Variants in MAU2 observed in about 807,000 individuals in gnomAD.
MAU2 encodes the protein MAU2 sister chromatid cohesion factor.
Under a neutral mutation model 89.1 loss-of-function variants are expected in MAU2, and 9 were observed. That is an observed-to-expected ratio of 0.10 (90% CI 0.06 to 0.18). MAU2 has a LOEUF of 0.18. Among genes scored for constraint, MAU2 ranks in the 10% least tolerant of loss-of-function variants. MAU2 has a pLI of 1.00. For synonymous variants in MAU2, 357 were observed against 343.4 expected (o/e 1.04, Z -0.44); for missense variants, 425 against 803.5 (o/e 0.53, Z 5.69).
intron 1 of MAU2, chr19:19,334,326 GCTC>G (rs1477285301): frequency 1.4e-5 from 14 of 985,594 alleles, no homozygotes; most frequent in Non-Finnish European, 1.7e-5. Flanking sequence ...TGTGGTCTGG[GCTC>G]CTGCGTGTGG....
At chr19:19,322,212 G>A (rs1348360269) in intron 1 of MAU2, among the ~76,000 whole-genome samples, 17 of 152,156 alleles carry the variant, frequency 1.1e-4, no homozygotes, top group African/African-American at 3.6e-4. Flanking sequence ...GTTAGCCAGG[G>A]TGGTCTCCAT....
At chr19:19,326,342 C>G (rs1364262254) in intron 1 of MAU2, among the ~76,000 whole-genome samples, 2 of 151,900 alleles carry the variant, frequency 1.3e-5, no homozygotes, top group South Asian at 4.2e-4. Context: ...TGCTTAAGCC[C>G]AGGAGTTCAA....
chr19:19,321,271 C>G (rs1013956044), intron 1 of MAU2, 136 bp downstream of exon 1: 7 of 1,074,978 alleles, frequency 6.5e-6, no homozygotes, highest in African/African-American at 1.7e-5. Context: ...CCGCAGGACC[C>G]CCACCCGCCT....
Position 19,345,447 on chromosome 19 carries a change from A to T in MAU2, c.1221+78A>T. On this transcript the variant is annotated intron_variant, in intron 12 of 18. Transcript: ENST00000262815. The surrounding 1 kb of genome is among the most constrained non-coding windows in gnomAD (Gnocchi z 4.9). ...GAGTCGGGCGTGGTCTGTGATGAGG[A>T]CAGCAGTCGCGCTAGGTCAGCTATG... The T allele has an allele frequency of 1.4e-6, 2 of 1,411,870 alleles. No homozygotes were observed. Among genetic ancestry groups the T allele is most frequent in the Non-Finnish European group, 2.0e-6 (2 of 1,005,484 alleles). The allele number at this position is 1,411,870 out of a possible 1,614,324, so 87.5% of individuals were successfully genotyped here.
intron 4 of MAU2, among the ~76,000 whole-genome samples, chr19:19,338,218 T>C (rs541701775): frequency 4.5e-4 from 69 of 152,336 alleles, no homozygotes; most frequent in African/African-American, 1.6e-3. Flanking sequence ...GATGAGAAGC[T>C]GCATACACAT....
chr19:19,328,631 C>T (rs1157810941), intron 1 of MAU2, among the ~76,000 whole-genome samples: 2 of 152,038 alleles, frequency 1.3e-5, no homozygotes, highest in Non-Finnish European at 2.9e-5. Flanking sequence ...CCATGTTAGC[C>T]AGGATGGTTT....
intron 1 of MAU2, among the ~76,000 whole-genome samples, chr19:19,329,515 C>T (rs2061537913): frequency 6.6e-6 from 1 of 152,152 alleles, no homozygotes; most frequent in South Asian, 2.1e-4. Flanking sequence ...GGATCCTCAA[C>T]AAATTAACAG....
chr19:19,349,821 T>C (rs191855760), intron 16 of MAU2, among the ~76,000 whole-genome samples: 1 of 152,140 alleles, frequency 6.6e-6, no homozygotes, highest in African/African-American at 2.4e-5. Flanking sequence ...TCCAAACATA[T>C]CATCCTTGGC....
intron 1 of MAU2, among the ~76,000 whole-genome samples, chr19:19,326,559 G>A (rs1330153336): frequency 3.3e-5 from 5 of 151,190 alleles, no homozygotes; most frequent in Admixed American, 6.6e-5. Flanking sequence ...GGTGGCGGGC[G>A]CCTGTAGTCC....
chr19:19,336,786 C>T (rs188293866), intron 3 of MAU2, among the ~76,000 whole-genome samples: 1 of 152,208 alleles, frequency 6.6e-6, no homozygotes, highest in African/African-American at 2.4e-5. Context: ...GCCTTCCTCC[C>T]ACCTCAGAAT....
intron 16 of MAU2, chr19:19,352,623 C>T (rs2061754591): frequency 1.3e-5 from 2 of 152,406 alleles, no homozygotes; most frequent in Middle Eastern, 3.4e-3. Context: ...GTCACACAGC[C>T]CCAGACCGCA....
At chr19:19,329,193 TG>T (rs1217183010) in intron 1 of MAU2, 3 of 449,052 alleles carry the variant, frequency 6.7e-6, no homozygotes, top group Non-Finnish European at 1.3e-5. Flanking sequence ...GGATCACAAC[TG>T]TGTCCTGCTA....
chr19:19,348,552 C>A, intron 13 of MAU2: 1 of 489,128 alleles, frequency 2.0e-6, no homozygotes, highest in East Asian at 3.9e-5. Flanking sequence ...CACTCACCCC[C>A]ACAGCCCACA....
chr19:19,331,978 A>G (rs1246252322), intron 1 of MAU2, among the ~76,000 whole-genome samples: 1 of 152,226 alleles, frequency 6.6e-6, no homozygotes, highest in Admixed American at 6.5e-5. Context: ...TTGTGTCTGA[A>G]AGGCATACGC....
At chr19:19,342,919 C>A (rs746638006) in intron 9 of MAU2, 53 bp downstream of exon 9, 1 of 1,591,024 alleles carries the variant, frequency 6.3e-7, no homozygotes, top group South Asian at 1.1e-5. Flanking sequence ...TGGCGGACGG[C>A]CTGGCCAGAC....
intron 3 of MAU2, 61 bp downstream of exon 3, chr19:19,336,248 G>T (rs368779909): frequency 1.3e-4 from 166 of 1,276,228 alleles, no homozygotes; most frequent in Non-Finnish European, 1.8e-4. Context: ...AGACATGACA[G>T]CACATTGGTA....
In MAU2 at chr19:19,348,880, C is replaced by G. The variant is rs369399970; in HGVS notation, c.1309-9C>G. The G allele has an allele frequency of 1.2e-6, 2 of 1,613,968 alleles. No individual in the cohort carries two copies. Among genetic ancestry groups the G allele is most frequent in the Admixed American group, 1.7e-5 (1 of 60,014 alleles). On this transcript the variant is annotated splice_polypyrimidine_tract_variant and intron_variant, in intron 13 of 18. Coordinates refer to ENST00000262815, the MANE Select transcript of MAU2 (RefSeq NM_015329.4). ...GCAGAATGGTGCTGACTGGCTCTTT[C>G]CCCCGCAGCTCTACAGTCTGCTGGA...
In MAU2 at chr19:19,348,322, C is replaced by A. The variant is rs552732942; in HGVS notation, c.1309-567C>A. The A allele has an allele frequency of 9.9e-5, 18 of 182,278 alleles. No individual in the cohort carries two copies. In the East Asian group the frequency reaches 3.1e-3, roughly 32 times the overall value. 11.3% of individuals were successfully genotyped at this position (182,278 alleles called of 1,614,324 possible). A position where few individuals can be genotyped will look rare whatever the true frequency, so the allele number is the denominator to read the frequency against. On this transcript the variant is annotated intron_variant, in intron 13 of 18. Coordinates refer to ENST00000262815, the MANE Select transcript of MAU2 (RefSeq NM_015329.4). ...AGGGCTGCAGTGAGCCATGATCCAG[C>A]CACTGCACTCCAGCCTGGGCGACAG... is the stretch of plus-strand genomic sequence containing the variant.
chr19:19,337,513 G>T (rs923918739), intron 4 of MAU2, among the ~76,000 whole-genome samples: 3 of 152,220 alleles, frequency 2.0e-5, no homozygotes, highest in Non-Finnish European at 4.4e-5. Context: ...GTGGGAGTGC[G>T]GGGCTTCCCC....
Sources: gnomAD v4.1 joint callset for allele counts (sites outside exome capture counted in the v4.1 genomes callset) on GRCh38, gnomAD v4.1.1 for gene constraint, Gnocchi (gnomAD v3.1) non-coding constraint, MANE v1.5 for transcripts, NCBI Gene and HGNC (gene_info 2026-07-23, HGNC 2026-07-21) for gene names.